IRAG2: variants seen among roughly 807,000 people sequenced by gnomAD.
IRAG2 encodes inositol 1,4,5-triphosphate receptor associated 2, also known as lymphoid restricted membrane protein.
In IRAG2, 45 loss-of-function variants were observed where a neutral mutation model predicts 69.9. The observed-to-expected ratio is 0.64, with a 90% confidence interval of 0.51 to 0.83. The LOEUF is 0.83. Among genes scored for constraint, IRAG2 ranks in the 40% least tolerant of loss-of-function variants. The pLI is 0.00. For missense variants in IRAG2, 520 were observed against 587.0 expected, an observed-to-expected ratio of 0.89 and a Z score of 1.18; for synonymous variants, 193 against 202.4, an observed-to-expected ratio of 0.95 and a Z score of 0.40.
Position 25,004,532 on chromosome 12 carries a change from T to A in IRAG2, c.191T>A (p.Met64Lys), listed in dbSNP as rs191503736. The A allele has an allele frequency of 2.4e-5, 30 of 1,231,976 alleles. No individual in the cohort carries two copies. In the African/African-American group the frequency reaches 4.5e-4, roughly 18 times the overall value. 76.3% of individuals were successfully genotyped at this position (1,231,976 alleles called of 1,614,324 possible). The change falls in exon 1 of 39, where the codon ATG becomes AAG. Residue 64 changes from methionine (M) to lysine (K), a missense_variant. By Grantham distance (95) the Met-to-Lys change is moderately conservative. Transcript: ENST00000636465. ...TATTTTGAAGAGGTACTGAGGAAAA[T>A]GACTGCTGCTTGTGTTCCTACGCCC...
At chr12:25,011,356 C>T in exon 3 of IRAG2, 2 of 1,231,660 alleles carry the variant, frequency 1.6e-6, no homozygotes, top group Non-Finnish European at 2.0e-6. Flanking sequence ...CTGATCTGCT[C>T]TTCTTTTTCC....
At chr12:24,998,764 T>C in the IRAG2 span, among the ~76,000 whole-genome samples, 1 of 152,210 alleles carries the variant, frequency 6.6e-6, no homozygotes, top group Non-Finnish European at 1.5e-5. Context: ...TCATGAATGA[T>C]TGACTGGCTT....
At chr12:25,046,331 G>T (rs904621554) in intron 16 of IRAG2, among the ~76,000 whole-genome samples, 4 of 151,894 alleles carry the variant, frequency 2.6e-5, no homozygotes, top group Admixed American at 2.6e-4. Context: ...CACCACTTCT[G>T]TTCAGTGTAG....
chr12:25,089,806 A>T lies in IRAG2; in HGVS notation c.465+16A>T, dbSNP rs749378685. On this transcript the variant is annotated intron_variant, in intron 13 of 21. Coordinates refer to ENST00000556887, the MANE Select transcript of IRAG2 (RefSeq NM_001366544.2). Reference sequence around the variant, plus strand: ...GGAGGTGGAGGTGAGTTTAAAGCAAATTTTTTTTCCTTTTAAAAAAGTGTT... The same window carrying T: ...GGAGGTGGAGGTGAGTTTAAAGCAATTTTTTTTTCCTTTTAAAAAAGTGTT... 1.1e-5 allele frequency: 17 copies of T among 1,608,756 alleles called. No homozygotes were observed. The highest frequency in any genetic ancestry group is 2.2e-5 in the South Asian group (2 of 90,842).
intron 14 of IRAG2, among the ~76,000 whole-genome samples, chr12:25,096,622 C>T (rs1484920655): frequency 1.3e-5 from 2 of 152,096 alleles, no homozygotes; most frequent in African/African-American, 4.8e-5. Context: ...TTAATTGCAG[C>T]CCATCCTATT....
chr12:25,064,343 G>A (rs544552560), intron 4 of IRAG2, among the ~76,000 whole-genome samples: 143 of 152,256 alleles, frequency 9.4e-4, no homozygotes, highest in African/African-American at 3.3e-3. Flanking sequence ...AAGAAGAGAA[G>A]TAAGAATCAA....
intron 6 of IRAG2, among the ~76,000 whole-genome samples, chr12:25,075,521 C>CATGT (rs750386542): frequency 8.8e-4 from 123 of 139,372 alleles, no homozygotes; most frequent in African/African-American, 3.0e-3. Context: ...TGTGTGTATG[C>CATGT]GTGTGTGTGT....
At chr12:25,042,618 A>C (rs1162285175) in intron 16 of IRAG2, among the ~76,000 whole-genome samples, 1 of 152,030 alleles carries the variant, frequency 6.6e-6, no homozygotes, top group East Asian at 1.9e-4. Context: ...GGCACGTGCC[A>C]CCATGCCCAG....
chr12:25,107,868 G>A lies in IRAG2; in HGVS notation c.1308G>A (p.Lys436=), dbSNP rs774406585. ...WATNLKSSIR[K]ANKALWLSIA... ...CAAATCTCAAGTCCTCCATCAGAAA[G>A]GCTAATAAGGCCCTCTGGCTCTCTA... The change falls in exon 22 of 22, where the codon AAG becomes AAA. Residue 436 remains lysine (K), a synonymous_variant. Transcript: ENST00000556887. 4 of 1,614,094 alleles carry A rather than the reference G, an allele frequency of 2.5e-6. No individual in the cohort carries two copies. The South Asian group carries it at 3.3e-5, about 13-fold the overall frequency.
chr12:25,093,331 C>T (rs1948198725), intron 14 of IRAG2: 1 of 153,488 alleles, frequency 6.5e-6, no homozygotes, highest in African/African-American at 2.4e-5. Context: ...TCTTTTTCAA[C>T]AGATGGCTGG....
At chr12:25,004,133 T>C (rs1944413258), upstream of IRAG2, among the ~76,000 whole-genome samples, 1 of 152,234 alleles carries the variant, frequency 6.6e-6, no homozygotes, top group Non-Finnish European at 1.5e-5. Context: ...ATGTTAGCTG[T>C]TATTTTCCTG....
intron 13 of IRAG2, among the ~76,000 whole-genome samples, chr12:25,034,927 A>G (rs568702857): frequency 6.6e-6 from 1 of 152,286 alleles, no homozygotes; most frequent in South Asian, 2.1e-4. Flanking sequence ...TGTTTTTGAA[A>G]CCAAGCCAAA....
chr12:25,053,542 A>C (rs1945003013), intron 1 of IRAG2, among the ~76,000 whole-genome samples: 1 of 152,100 alleles, frequency 6.6e-6, no homozygotes, highest in Admixed American at 6.5e-5. Context: ...TATTACCCAA[A>C]AGTATATAAA....
intron 2 of IRAG2, among the ~76,000 whole-genome samples, chr12:25,010,716 C>A (rs1410484484): frequency 1.3e-5 from 2 of 152,076 alleles, no homozygotes; most frequent in East Asian, 3.8e-4. Context: ...GGCATCTGCC[C>A]TCTCAAACTT....
chr12:25,071,857 T>G (rs1264215008), intron 6 of IRAG2, among the ~76,000 whole-genome samples: 1 of 151,738 alleles, frequency 6.6e-6, no homozygotes, highest in African/African-American at 2.4e-5. Context: ...CCATATTGAC[T>G]CTTATTAGGA....
chr12:25,072,403 T>C (rs1050822598), intron 6 of IRAG2, among the ~76,000 whole-genome samples: 1 of 152,054 alleles, frequency 6.6e-6, no homozygotes, highest in African/African-American at 2.4e-5. Context: ...CATTCCAGGT[T>C]TCTGCTCCAC....
chr12:25,053,389 G>A (rs915137841), intron 1 of IRAG2, among the ~76,000 whole-genome samples: 2 of 151,542 alleles, frequency 1.3e-5, no homozygotes, highest in African/African-American at 4.9e-5. Flanking sequence ...GAAATTTTAG[G>A]GGGTTGGGCA....
At chr12:25,050,527 C>CAAAAAAAAAAAAAAAAAAAAA, upstream of IRAG2, among the ~76,000 whole-genome samples, 1 of 47,922 alleles carries the variant, frequency 2.1e-5, no homozygotes, top group African/African-American at 4.4e-5. Context: ...GACTCCGTCT[C>CAAAAAAAAAAAAAAAAAAAAA]AAAAAAAACA....
chr12:25,079,172 T>C, intron 6 of IRAG2, 72 bp from the exon 7 acceptor site: 2 of 1,457,104 alleles, frequency 1.4e-6, no homozygotes, highest in Non-Finnish European at 1.9e-6. Flanking sequence ...TGAAAATGTT[T>C]GCTTAAAACA....
Sources: gnomAD v4.1 joint callset for allele counts (sites outside exome capture counted in the v4.1 genomes callset) on GRCh38, gnomAD v4.1.1 for gene constraint, MANE v1.5 for transcripts, NCBI Gene and HGNC (gene_info 2026-07-23, HGNC 2026-07-21) for gene names.